Variants in SORCS2 observed in about 807,000 individuals in gnomAD.
The protein encoded by SORCS2 is sortilin related VPS10 domain containing receptor 2.
A neutral mutation model predicts 141.6 loss-of-function variants in SORCS2; 100 were observed. That is an observed-to-expected ratio of 0.71 (90% CI 0.60 to 0.83). The LOEUF is 0.83. Ranked by LOEUF, SORCS2 falls within the 40% of genes least tolerant of loss-of-function variation. The probability of loss-of-function intolerance (pLI) is 0.00; values close to 1 mark genes in which losing one functional copy is unlikely to be tolerated. For synonymous variants in SORCS2, 789 were observed against 676.9 expected (o/e 1.17, Z -2.57); for missense variants, 1,646 against 1,560.2 (o/e 1.05, Z -0.93).
chr4:7,576,187 C>T (rs770730769), intron 3 of SORCS2, among the ~76,000 whole-genome samples: 1 of 152,192 alleles, frequency 6.6e-6, no homozygotes, highest in African/African-American at 2.4e-5. Flanking sequence ...TGACCAAAGC[C>T]ATGTGCTCAG....
rs548955847 is a variant in SORCS2 at position 7,219,919 on chromosome 4, C to T, written c.480+26793C>T. On this transcript the variant is annotated intron_variant, in intron 1 of 26. Coordinates refer to ENST00000507866, the MANE Select transcript of SORCS2 (RefSeq NM_020777.3). ...CACTTGCACCCCTGTCTTCTGCACC[C>T]TCGTGTTCCACCGTGATGACTCCAT... Among the ~76,000 whole-genome samples, 224 of 152,364 alleles carry T rather than the reference C, an allele frequency of 1.5e-3. 1 individual carries two copies. The highest frequency in any genetic ancestry group is 2.5e-3 in the Admixed American group (38 of 15,308).
chr4:7,626,513 G>A (rs190002936), intron 3 of SORCS2, among the ~76,000 whole-genome samples: 19 of 152,228 alleles, frequency 1.2e-4, no homozygotes, highest in African/African-American at 3.6e-4. Context: ...TTAACCTTCC[G>A]GGCTGCTTCA....
chr4:7,250,882 G>A (rs999020156), intron 1 of SORCS2, among the ~76,000 whole-genome samples: 4 of 152,390 alleles, frequency 2.6e-5, no homozygotes, highest in East Asian at 3.9e-4. Context: ...ATATGGACTC[G>A]TTGCCGGAAC....
At chr4:7,360,998 C>T (rs1721549618) in intron 1 of SORCS2, among the ~76,000 whole-genome samples, 1 of 152,056 alleles carries the variant, frequency 6.6e-6, no homozygotes, top group Admixed American at 6.6e-5. Context: ...TCTCCATCCC[C>T]TTGCAACTGG....
At chr4:7,211,766 C>T (rs1340112348) in intron 1 of SORCS2, among the ~76,000 whole-genome samples, 1 of 152,046 alleles carries the variant, frequency 6.6e-6, no homozygotes, top group African/African-American at 2.4e-5. Flanking sequence ...GGTGGGGGCC[C>T]CTGTGAGAGG....
chr4:7,247,893 C>G (rs1015189770), intron 1 of SORCS2, among the ~76,000 whole-genome samples: 1 of 152,220 alleles, frequency 6.6e-6, no homozygotes, highest in South Asian at 2.1e-4. Context: ...GTGACAGCTC[C>G]CACTCAGATC....
Position 7,201,025 on chromosome 4 carries a change from A to G in SORCS2, c.480+7899A>G, listed in dbSNP as rs1199293831. Among the ~76,000 whole-genome samples, 1 of 152,248 alleles carries G rather than the reference A, an allele frequency of 6.6e-6. No homozygotes were observed. Among genetic ancestry groups the G allele is most frequent in the South Asian group, 2.1e-4 (1 of 4,808 alleles). ...GAGGATTCAGTGAGGGGCCAAGTCA[A>G]ACTTGGCCCCTGCGCGGGTGAAATG... On this transcript the variant is annotated intron_variant, in intron 1 of 26. Coordinates refer to ENST00000507866, the MANE Select transcript of SORCS2 (RefSeq NM_020777.3). This position sits in a 1 kb window ranked among gnomAD's most constrained non-coding sequence, Gnocchi z 4.4.
chr4:7,225,422 G>A (rs1245137151), intron 1 of SORCS2, among the ~76,000 whole-genome samples: 1 of 152,242 alleles, frequency 6.6e-6, no homozygotes, highest in Non-Finnish European at 1.5e-5. Context: ...AGCATTTTGC[G>A]AAATCCGAAG....
chr4:7,307,165 C>T (rs527728387), intron 1 of SORCS2, among the ~76,000 whole-genome samples: 8 of 152,292 alleles, frequency 5.3e-5, no homozygotes, highest in East Asian at 1.9e-4. Context: ...CCAGCCTCAT[C>T]GGCCCTCACA....
Position 7,562,531 on chromosome 4 carries a change from G to A in SORCS2, c.648+30902G>A, listed in dbSNP as rs80263554. Reference sequence around the variant, plus strand: ...AGATGGTACATACTTTAAGCTTTAGGGGCATACGCTGTCTCTGTTGCATGT... The same window carrying A: ...AGATGGTACATACTTTAAGCTTTAGAGGCATACGCTGTCTCTGTTGCATGT... On this transcript the variant is annotated intron_variant, in intron 3 of 26. Coordinates refer to ENST00000507866, the MANE Select transcript of SORCS2 (RefSeq NM_020777.3). 2.0e-3 allele frequency among the ~76,000 whole-genome samples: 299 copies of A among 152,240 alleles called. 1 individual carries two copies. Among genetic ancestry groups the A allele is most frequent in the African/African-American group, 6.9e-3 (286 of 41,514 alleles).
At chr4:7,339,384 G>C (rs10011716) in intron 1 of SORCS2, among the ~76,000 whole-genome samples, 46,094 of 152,182 alleles carry the variant, frequency 0.3, 7,106 homozygotes, top group East Asian at 0.39. Flanking sequence ...CCACAGCTGC[G>C]TAACAAAGTA....
chr4:7,455,862 G>A (rs1055970349), intron 2 of SORCS2, among the ~76,000 whole-genome samples: 2 of 152,184 alleles, frequency 1.3e-5, no homozygotes, highest in Admixed American at 6.5e-5. Flanking sequence ...CTGTGTTAGC[G>A]TCACATGCTG....
intron 3 of SORCS2, among the ~76,000 whole-genome samples, chr4:7,594,028 A>T (rs970351379): frequency 6.6e-6 from 1 of 152,216 alleles, no homozygotes; most frequent in Non-Finnish European, 1.5e-5. Context: ...TCTCTTGAGC[A>T]CGTCTGTCTG....
intron 3 of SORCS2, among the ~76,000 whole-genome samples, chr4:7,583,791 C>T (rs1011960551): frequency 1.3e-5 from 2 of 152,212 alleles, no homozygotes; most frequent in Non-Finnish European, 2.9e-5. Context: ...AGCATGTCTT[C>T]ATCAGCAGCG....
intron 4 of SORCS2, among the ~76,000 whole-genome samples, chr4:7,642,445 T>C (rs1720810634): frequency 6.6e-6 from 1 of 152,184 alleles, no homozygotes; most frequent in Non-Finnish European, 1.5e-5. Flanking sequence ...TTCTTTTCTG[T>C]GACTATAAGG....
chr4:7,565,977 GTGA>G (rs140375153), intron 3 of SORCS2, among the ~76,000 whole-genome samples: 81,880 of 148,068 alleles, frequency 0.55, 26,100 homozygotes, highest in East Asian at 0.89. Context: ...TGTGATGATG[GTGA>G]TGATAATGGT....
At chr4:7,353,139 G>A (rs1274826240) in intron 1 of SORCS2, among the ~76,000 whole-genome samples, 1 of 152,196 alleles carries the variant, frequency 6.6e-6, no homozygotes. Flanking sequence ...GCCACCAGAG[G>A]TGGGGACCAA....
chr4:7,703,828 T>C (rs919574712), intron 13 of SORCS2, among the ~76,000 whole-genome samples: 1 of 152,144 alleles, frequency 6.6e-6, no homozygotes, highest in African/African-American at 2.4e-5. Context: ...CACTGTAGTC[T>C]GAAAAAGAGA....
chr4:7,524,388 T>C (rs1460713595), intron 2 of SORCS2, among the ~76,000 whole-genome samples: 2 of 152,008 alleles, frequency 1.3e-5, no homozygotes, highest in African/African-American at 4.8e-5. Flanking sequence ...ACTTCTGACC[T>C]CCAGAACTGT....
Sources: allele counts gnomAD v4.1 joint callset (sites outside exome capture counted in the v4.1 genomes callset), GRCh38; gene constraint gnomAD v4.1.1; non-coding constraint Gnocchi (gnomAD v3.1); transcripts MANE v1.5; gene names NCBI Gene and HGNC (gene_info 2026-07-23, HGNC 2026-07-21).